Variants in KSR1 observed in about 807,000 individuals in gnomAD.
The protein encoded by KSR1 is kinase suppressor of ras 1, also known as kinase suppressor of ras.
Under a neutral mutation model 92.9 loss-of-function variants are expected in KSR1, and 35 were observed. The observed-to-expected ratio is 0.38, with a 90% CI of 0.29 to 0.50. The LOEUF is 0.50. KSR1 is among the 20% of genes least tolerant of loss of function. The probability of loss-of-function intolerance (pLI) is 0.94; values close to 1 mark genes in which losing one functional copy is unlikely to be tolerated. For missense variants in KSR1, 972 were observed against 1,158.5 expected (o/e 0.84, Z 2.34); for synonymous variants, 467 against 472.6 (o/e 0.99, Z 0.15).
At chr17:27,540,060 T>C (rs1238598740) in intron 1 of KSR1, among the ~76,000 whole-genome samples, 49 of 152,226 alleles carry the variant, frequency 3.2e-4, no homozygotes, top group Admixed American at 3.2e-3. Context: ...GGAAGCATCA[T>C]GGGTGCTTTT....
intron 3 of KSR1, chr17:27,578,629 G>C (rs182432363): frequency 2.0e-5 from 3 of 152,388 alleles, no homozygotes; most frequent in African/African-American, 7.2e-5. Context: ...CCCTGATGGC[G>C]ATTGGTTTGT....
chr17:27,543,995 A>G (rs1265534542), intron 1 of KSR1, among the ~76,000 whole-genome samples: 2 of 152,198 alleles, frequency 1.3e-5, no homozygotes, highest in Non-Finnish European at 2.9e-5. Flanking sequence ...ATAAGAGAGA[A>G]CCTGTCGGCT....
intron 11 of KSR1, chr17:27,602,047 G>A (rs2073582986): frequency 1.2e-6 from 1 of 843,662 alleles, no homozygotes; most frequent in Non-Finnish European, 1.9e-6. Context: ...TAAAGTGCTT[G>A]AGATCAGTGC....
At position 27,612,701 on chromosome 17, in the gene KSR1, C is replaced by T. The variant is rs181665017; in HGVS notation, c.2493+1072C>T. On this transcript the variant is annotated intron_variant, in intron 18 of 20. Coordinates refer to ENST00000644974, the MANE Select transcript of KSR1 (RefSeq NM_001394583.1). Reference sequence around the variant, plus strand: ...ATCAGATAGGATTGGGACAGAACAGCCTTGATGTTAATAAGCAACTCCAGT... The same window carrying T: ...ATCAGATAGGATTGGGACAGAACAGTCTTGATGTTAATAAGCAACTCCAGT... The T allele has an allele frequency of 9.2e-5, 14 of 152,348 alleles. No individual in the cohort carries two copies. In the East Asian group the frequency reaches 2.7e-3, roughly 29 times the overall value. 9.4% of individuals were successfully genotyped at this position (152,348 alleles called of 1,614,324 possible).
rs1015732738 is a variant in KSR1 at position 27,621,229 on chromosome 17, C to T, written c.2664C>T (p.Tyr888=). The part of the protein sequence containing the change: ...WRSRYYGKGR[Y]GHPDFKSSCP... ...GCCGCTACTATGGAAAAGGACGCTA[C>T]GGCCACCCTGACTTTAAGAGCTCCT... Residue 888 remains tyrosine, a synonymous_variant, in exon 20 of 21, where the codon TAC becomes TAT. Coordinates refer to ENST00000644974, the MANE Select transcript of KSR1 (RefSeq NM_001394583.1). 119 of 398,532 alleles carry T rather than the reference C, an allele frequency of 3.0e-4. No homozygotes were observed. Among genetic ancestry groups the T allele is most frequent in the Non-Finnish European group, 5.3e-5 (12 of 226,110 alleles). The allele number at this position is 398,532 out of a possible 1,614,324, so 24.7% of individuals were successfully genotyped here.
At chr17:27,590,786 A>C (rs1490749639) in intron 6 of KSR1, 25 bp from the exon 7 acceptor site, 1 of 1,599,662 alleles carries the variant, frequency 6.3e-7, no homozygotes, top group Middle Eastern at 1.7e-4. Context: ...TGGTGCAAAC[A>C]TGTGCCTGTG....
intron 1 of KSR1, among the ~76,000 whole-genome samples, chr17:27,521,239 CT>C (rs1366279405): frequency 6.6e-6 from 1 of 152,062 alleles, no homozygotes; most frequent in African/African-American, 2.4e-5. Context: ...TGGAAAGCCC[CT>C]GGTTAGGATA....
rs543024330 is a variant in KSR1 at position 27,621,273 on chromosome 17, AGT to A, written c.2708+5_2708+6del. 6.5e-4 allele frequency: 260 copies of A among 398,696 alleles called. 1 individual carries two copies. Among genetic ancestry groups the A allele is most frequent in the Admixed American group, 3.5e-3 (79 of 22,740 alleles). 24.7% of individuals were successfully genotyped at this position (398,696 alleles called of 1,614,324 possible). A position where few individuals can be genotyped will look rare whatever the true frequency, so the allele number is the denominator to read the frequency against. Reference sequence around the variant, plus strand: ...AGCTCCTGTCCGATTCTGGAGGAATAGTGTGTTCCTGTTACTTCCTTCGCTGG... The same window carrying A: ...AGCTCCTGTCCGATTCTGGAGGAATAGTGTTCCTGTTACTTCCTTCGCTGG... On this transcript the variant is annotated splice_donor_variant, in intron 20 of 20. Transcript: ENST00000644974. LOFTEE classifies it high-confidence loss of function.
At chr17:27,557,108 C>T (rs1488117453) in intron 2 of KSR1, among the ~76,000 whole-genome samples, 1 of 152,154 alleles carries the variant, frequency 6.6e-6, no homozygotes, top group Non-Finnish European at 1.5e-5. Flanking sequence ...ACAAGATCTC[C>T]AGAAACCTGG....
chr17:27,554,750 C>T (rs149956824), intron 2 of KSR1, among the ~76,000 whole-genome samples: 17 of 152,310 alleles, frequency 1.1e-4, no homozygotes, highest in East Asian at 5.8e-4. Context: ...AACCATCCCC[C>T]GCTCCCTGTC....
intron 4 of KSR1, among the ~76,000 whole-genome samples, 186 bp from the exon 5 acceptor site, chr17:27,585,471 A>C (rs1225522552): frequency 1.3e-5 from 2 of 152,016 alleles, no homozygotes; most frequent in African/African-American, 4.8e-5. Flanking sequence ...AGTCCTTTCC[A>C]TTGAGGAAAT....
chr17:27,608,001 GATC>G lies in KSR1; in HGVS notation c.2087_2089del (p.Ile696del). 6.2e-7 allele frequency: 1 copy of G among 1,606,204 alleles called. No homozygotes were observed. The highest frequency in any genetic ancestry group is 8.5e-7 in the Non-Finnish European group (1 of 1,176,090). On this transcript the variant is annotated inframe_deletion, in exon 15 of 21. Coordinates refer to ENST00000644974, the MANE Select transcript of KSR1 (RefSeq NM_001394583.1). Reference sequence around the variant, plus strand: ...ACAAGACGAGGCAAATCGCTCAGGAGATCATCAAGGTGAGGGGGTGCCCAGCTG... The same window carrying G: ...ACAAGACGAGGCAAATCGCTCAGGAGATCAAGGTGAGGGGGTGCCCAGCTG...
At chr17:27,510,841 C>T (rs2151000952) in intron 1 of KSR1, among the ~76,000 whole-genome samples, 1 of 152,332 alleles carries the variant, frequency 6.6e-6, no homozygotes. Flanking sequence ...TGATCCTCCT[C>T]TGAGCATCCC....
At chr17:27,525,423 G>C (rs1372356520) in intron 1 of KSR1, among the ~76,000 whole-genome samples, 1 of 152,228 alleles carries the variant, frequency 6.6e-6, no homozygotes, top group Non-Finnish European at 1.5e-5. Flanking sequence ...TTGCCTCTGT[G>C]CATCAGTTTC....
At chr17:27,608,860 T>TA (rs2073837447) in intron 15 of KSR1, among the ~76,000 whole-genome samples, 1 of 152,192 alleles carries the variant, frequency 6.6e-6, no homozygotes, top group Non-Finnish European at 1.5e-5. Flanking sequence ...TGTACACTGA[T>TA]AAATCTCACT....
At chr17:27,581,277 C>G (rs1163377186) in intron 3 of KSR1, among the ~76,000 whole-genome samples, 2 of 152,106 alleles carry the variant, frequency 1.3e-5, no homozygotes, top group African/African-American at 4.8e-5. Flanking sequence ...AGAAACCACG[C>G]CCATGATCCA....
chr17:27,554,558 T>C (rs1022231535), intron 2 of KSR1, among the ~76,000 whole-genome samples: 2 of 152,256 alleles, frequency 1.3e-5, no homozygotes, highest in Non-Finnish European at 1.5e-5. Flanking sequence ...TGTGAGAATC[T>C]AATGCCTGAT....
chr17:27,603,843 C>T lies in KSR1; in HGVS notation c.1520C>T (p.Ala507Val), dbSNP rs1331900158. 4 of 1,613,966 alleles carry T rather than the reference C, an allele frequency of 2.5e-6. No individual in the cohort carries two copies. Among genetic ancestry groups the T allele is most frequent in the South Asian group, 1.1e-5 (1 of 91,078 alleles). ...TTTTTGTTTCCTCCAGACATTTCAG[C>T]CTTTGCACACGCAGCCCCGCTCCCT... is the stretch of plus-strand genomic sequence containing the variant. The part of the protein sequence containing the change: ...RQQFIFPDIS[A>V]FAHAAPLPEA... Residue 507 changes from alanine to valine, a missense_variant, in exon 12 of 21, where the codon GCC (alanine) becomes GTC (valine). By Grantham distance (64) the Ala-to-Val change is moderately conservative (BLOSUM62 0). This residue lies in a region of KSR1 where 611 missense variants were observed against 668.0 expected (regional missense o/e 0.91). Coordinates refer to ENST00000644974, the MANE Select transcript of KSR1 (RefSeq NM_001394583.1).
intron 2 of KSR1, among the ~76,000 whole-genome samples, chr17:27,575,209 A>T (rs2072458636): frequency 6.6e-6 from 1 of 152,206 alleles, no homozygotes; most frequent in Non-Finnish European, 1.5e-5. Flanking sequence ...AGCAGCCCTG[A>T]GGGCTGCTAG....
Sources: allele counts gnomAD v4.1 joint callset (sites outside exome capture counted in the v4.1 genomes callset), GRCh38; gene constraint gnomAD v4.1.1; regional missense constraint gnomAD v4.1.1; transcripts MANE v1.5; gene names NCBI Gene and HGNC (gene_info 2026-07-23, HGNC 2026-07-21).